Variants in ARMC8 observed in about 807,000 individuals in gnomAD.
The protein encoded by ARMC8 is armadillo repeat containing 8, also known as armadillo repeat-containing protein 8.
Under a neutral mutation model 99.3 loss-of-function variants are expected in ARMC8, and 20 were observed. The observed-to-expected ratio is 0.20, with a 90% confidence interval of 0.14 to 0.29. The LOEUF (loss-of-function observed/expected upper bound fraction) is 0.29. ARMC8 is among the 10% of genes least tolerant of loss of function. The pLI is 1.00. For synonymous variants in ARMC8, 263 were observed against 278.3 expected (o/e 0.95, Z 0.55); for missense variants, 569 against 809.5 (o/e 0.70, Z 3.60).
intron 2 of ARMC8, among the ~76,000 whole-genome samples, chr3:138,211,065 C>T (rs562767646): frequency 6.6e-6 from 1 of 152,176 alleles, no homozygotes; most frequent in East Asian, 1.9e-4. Flanking sequence ...TTAATCACTC[C>T]TTTTTAGACT....
intron 1 of ARMC8, chr3:138,187,870 C>T: frequency 2.0e-6 from 1 of 509,422 alleles, no homozygotes; most frequent in South Asian, 2.7e-5. Context: ...GGCTTATAGA[C>T]AACTGGCTGG....
chr3:138,247,624 A>G (rs1211095717), intron 12 of ARMC8, among the ~76,000 whole-genome samples: 3 of 152,216 alleles, frequency 2.0e-5, no homozygotes, highest in Admixed American at 6.5e-5. Context: ...AGAAGAGAAA[A>G]TAAGCAAAGT....
At chr3:138,200,837 CTTAT>C (rs1428609154) in intron 1 of ARMC8, among the ~76,000 whole-genome samples, 1 of 148,690 alleles carries the variant, frequency 6.7e-6, no homozygotes, top group Non-Finnish European at 1.5e-5. Context: ...AATGATATCA[CTTAT>C]TTATTATGTT....
intron 16 of ARMC8, among the ~76,000 whole-genome samples, chr3:138,271,155 C>T: frequency 6.6e-6 from 1 of 152,172 alleles, no homozygotes; most frequent in East Asian, 1.9e-4. Context: ...TAATTATCTT[C>T]TAAGAAAGCA....
At chr3:138,204,746 A>G (rs2044266325) in intron 1 of ARMC8, among the ~76,000 whole-genome samples, 1 of 151,856 alleles carries the variant, frequency 6.6e-6, no homozygotes, top group Admixed American at 6.6e-5. Context: ...GGATTTCTTC[A>G]CTCTACACTG....
At chr3:138,225,663 T>C (rs542311267) in intron 5 of ARMC8, among the ~76,000 whole-genome samples, 130 of 152,358 alleles carry the variant, frequency 8.5e-4, no homozygotes, top group African/African-American at 3.0e-3. Flanking sequence ...TGTAATGCCC[T>C]CTGGTTTCTA....
At chr3:138,234,380 G>C (rs1328587958) in intron 6 of ARMC8, among the ~76,000 whole-genome samples, 1 of 152,188 alleles carries the variant, frequency 6.6e-6, no homozygotes, top group Non-Finnish European at 1.5e-5. Context: ...AGAGTGCTGG[G>C]ATTACAGGTG....
At chr3:138,275,427 C>T (rs572164757) in intron 18 of ARMC8, among the ~76,000 whole-genome samples, 2 of 152,210 alleles carry the variant, frequency 1.3e-5, no homozygotes, top group Admixed American at 6.5e-5. Flanking sequence ...GGCGCGGTGG[C>T]GGGTGCCTGT....
At chr3:138,232,251 C>T (rs2046088248) in intron 6 of ARMC8, among the ~76,000 whole-genome samples, 1 of 151,984 alleles carries the variant, frequency 6.6e-6, no homozygotes, top group Admixed American at 6.6e-5. Flanking sequence ...GCTGGGATTA[C>T]AGACATGAGC....
chr3:138,281,357 A>G (rs1481537440), intron 18 of ARMC8, among the ~76,000 whole-genome samples: 1 of 150,954 alleles, frequency 6.6e-6, no homozygotes, highest in Non-Finnish European at 1.5e-5. Flanking sequence ...CAGTGACGCG[A>G]TATCGGCTCA....
chr3:138,256,043 A>G (rs539460818), intron 12 of ARMC8, among the ~76,000 whole-genome samples: 1 of 152,374 alleles, frequency 6.6e-6, no homozygotes, highest in South Asian at 2.1e-4. Flanking sequence ...TGCTAGAGGA[A>G]AATGTCCAAA....
chr3:138,231,961 CTTTTTT>C (rs61298993), intron 6 of ARMC8, among the ~76,000 whole-genome samples: 770 of 58,540 alleles, frequency 0.013, no homozygotes, highest in Non-Finnish European at 0.017. Context: ...CTTGCAATTG[CTTTTTT>C]TTTTTTTTTT....
At chr3:138,191,944 C>CAATCAT (rs1169893514) in intron 1 of ARMC8, among the ~76,000 whole-genome samples, 1 of 152,196 alleles carries the variant, frequency 6.6e-6, no homozygotes, top group Non-Finnish European at 1.5e-5. Flanking sequence ...GCTATTATAA[C>CAATCAT]GTAGTATGAA....
chr3:138,219,520 C>T (rs2045274426), intron 2 of ARMC8, among the ~76,000 whole-genome samples: 1 of 152,166 alleles, frequency 6.6e-6, no homozygotes, highest in Non-Finnish European at 1.5e-5. Context: ...GAAAGAATAA[C>T]TACACTCTGG....
chr3:138,207,689 G>A lies in ARMC8; in HGVS notation c.46-2128G>A, dbSNP rs1462376538. Among the ~76,000 whole-genome samples, 3 of 152,240 alleles carry A rather than the reference G, an allele frequency of 2.0e-5. No individual in the cohort carries two copies. In the East Asian group the frequency reaches 5.8e-4, roughly 29 times the overall value. Reference sequence around the variant, plus strand: ...TTCAGTTCTTCTGTAGCTTTTGGTTGTCATATATTGTTTCTTGATATGTTC... The same window carrying A: ...TTCAGTTCTTCTGTAGCTTTTGGTTATCATATATTGTTTCTTGATATGTTC... On this transcript the variant is annotated intron_variant, in intron 1 of 21. Transcript: ENST00000469044.
intron 1 of ARMC8, among the ~76,000 whole-genome samples, chr3:138,196,243 G>A (rs1306230704): frequency 6.6e-6 from 1 of 152,138 alleles, no homozygotes; most frequent in Non-Finnish European, 1.5e-5. Flanking sequence ...TTGGCCAGGT[G>A]GTATCATCTT....
At chr3:138,240,051 C>G (rs566331236) in intron 10 of ARMC8, among the ~76,000 whole-genome samples, 1 of 152,218 alleles carries the variant, frequency 6.6e-6, no homozygotes, top group East Asian at 1.9e-4. Flanking sequence ...CCTAAAAGTC[C>G]TAAAACCTGG....
At chr3:138,207,434 A>G (rs1056430316) in intron 1 of ARMC8, among the ~76,000 whole-genome samples, 3 of 152,242 alleles carry the variant, frequency 2.0e-5, no homozygotes, top group African/African-American at 7.2e-5. Context: ...AACCAGGCAC[A>G]GAGCAGCAAA....
chr3:138,187,738 C>T (rs1360632327), intron 1 of ARMC8, 139 bp downstream of exon 1: 7 of 945,028 alleles, frequency 7.4e-6, no homozygotes, highest in Admixed American at 2.4e-5. Context: ...AGGGAGTGAG[C>T]GAGGGTGGAG....
Sources: gnomAD v4.1 joint callset for allele counts (sites outside exome capture counted in the v4.1 genomes callset) on GRCh38, gnomAD v4.1.1 for gene constraint, MANE v1.5 for transcripts, NCBI Gene and HGNC (gene_info 2026-07-23, HGNC 2026-07-21) for gene names.